SLC25A16: variants seen among roughly 807,000 people sequenced by gnomAD.
SLC25A16 encodes mitochondrial coenzyme A transporter SLC25A16.
A neutral mutation model predicts 41.5 loss-of-function variants in SLC25A16; 39 were observed. That is an observed-to-expected ratio of 0.94 (90% CI 0.73 to 1.23). The LOEUF (loss-of-function observed/expected upper bound fraction) is 1.23, where lower values mean the gene tolerates loss of function less well. Among genes scored for constraint, SLC25A16 ranks in the 50% most tolerant of loss-of-function variants. The probability of loss-of-function intolerance (pLI) is 0.00; values close to 1 mark genes in which losing one functional copy is unlikely to be tolerated. For missense variants in SLC25A16, 421 were observed against 426.9 expected (o/e 0.99, Z 0.12); for synonymous variants, 146 against 147.8 (o/e 0.99, Z 0.09).
rs1171632682 is a variant in SLC25A16 at position 68,527,394 on chromosome 10, A to T, written c.-19T>A. 2 of 1,465,008 alleles carry T rather than the reference A, an allele frequency of 1.4e-6. No homozygotes were observed. The highest frequency in any genetic ancestry group is 8.9e-7 in the Non-Finnish European group (1 of 1,117,576). The allele number at this position is 1,465,008 out of a possible 1,614,324, so 90.8% of individuals were successfully genotyped here. ...CCGCCATCAGGACCAGGGTCGCGTC[A>T]GGAGCCTAGGTTGCCAACTTACAGA... On this transcript the variant is annotated 5_prime_UTR_variant, in exon 1 of 9. Coordinates refer to ENST00000609923, the MANE Select transcript of SLC25A16 (RefSeq NM_152707.4).
chr10:68,493,559 C>T lies in SLC25A16; in HGVS notation c.433G>A (p.Val145Ile). 1 of 1,612,558 alleles carries T rather than the reference C, an allele frequency of 6.2e-7. No individual in the cohort carries two copies. Among genetic ancestry groups the T allele is most frequent in the Non-Finnish European group, 8.5e-7 (1 of 1,178,854 alleles). ...MAGSMAGMTA[V>I]ICTYPLDMVR... Reference sequence around the variant, plus strand: ...ATGTCAAGAGGGTAAGTACAGATAACTGCTGTCATACCTGAAAAGAAAGTA... The same window carrying T: ...ATGTCAAGAGGGTAAGTACAGATAATTGCTGTCATACCTGAAAAGAAAGTA... The change falls in exon 5 of 9, where the codon GTT becomes ATT. Residue 145 changes from valine (V) to isoleucine (I), a missense_variant. Coordinates refer to ENST00000609923, the MANE Select transcript of SLC25A16 (RefSeq NM_152707.4).
chr10:68,489,446 T>TA lies in SLC25A16; in HGVS notation c.611-818dup, dbSNP rs532883063. ...AATTCACAAAACACGTAGAATCTGA[T>TA]AAAAATAGTATGCAGGTAGTGCTTG... On this transcript the variant is annotated intron_variant, in intron 6 of 8. Coordinates refer to ENST00000609923, the MANE Select transcript of SLC25A16 (RefSeq NM_152707.4). 4.3e-3 allele frequency among the ~76,000 whole-genome samples: 655 copies of TA among 152,232 alleles called. 4 individuals carry two copies. The highest frequency in any genetic ancestry group is 0.015 in the African/African-American group (625 of 41,528).
At chr10:68,512,915 C>T (rs1404975725) in intron 2 of SLC25A16, among the ~76,000 whole-genome samples, 3 of 150,712 alleles carry the variant, frequency 2.0e-5, no homozygotes, top group African/African-American at 7.3e-5. Flanking sequence ...GGCGGGTGCC[C>T]GTAATCCCAG....
At chr10:68,505,470 G>A (rs1039651331) in intron 3 of SLC25A16, among the ~76,000 whole-genome samples, 3 of 152,096 alleles carry the variant, frequency 2.0e-5, no homozygotes, top group Non-Finnish European at 4.4e-5. Context: ...CATTCATTAG[G>A]AGTGAACATA....
At chr10:68,515,528 G>T (rs2053146523) in intron 2 of SLC25A16, among the ~76,000 whole-genome samples, 1 of 152,026 alleles carries the variant, frequency 6.6e-6, no homozygotes. Flanking sequence ...GCCAGGCTCG[G>T]TGGCTCACGC....
In SLC25A16 at chr10:68,487,220, A is replaced by T. The variant is rs1383861849; in HGVS notation, c.774-8T>A. ...GTCACATCAAATGGGTAGCTAAAAG[A>T]AGAAAAAGGCATAAAGAATTAAAAA... is the stretch of plus-strand genomic sequence containing the variant. On this transcript the variant is annotated splice_region_variant and splice_polypyrimidine_tract_variant and intron_variant, in intron 7 of 8. Transcript: ENST00000609923. The T allele has an allele frequency of 5.6e-6, 9 of 1,612,414 alleles. No individual in the cohort carries two copies. In the South Asian group the frequency reaches 9.9e-5, roughly 18 times the overall value.
chr10:68,493,447 AC>A lies in SLC25A16; in HGVS notation c.543+1del. ...TAGATGAGGAAGGTAAATATGAAATACCTTTGCATAAATTGTTTTGAAAGCA... is the reference window on the plus strand; with the variant it reads ...TAGATGAGGAAGGTAAATATGAAATACTTTGCATAAATTGTTTTGAAAGCA... On this transcript the variant is annotated splice_donor_variant, in intron 5 of 8. Coordinates refer to ENST00000609923, the MANE Select transcript of SLC25A16 (RefSeq NM_152707.4). LOFTEE classifies it high-confidence loss of function. 1 of 1,612,304 alleles carries A rather than the reference AC, an allele frequency of 6.2e-7. No individual in the cohort carries two copies. The highest frequency in any genetic ancestry group is 8.5e-7 in the Non-Finnish European group (1 of 1,178,484).
chr10:68,526,415 G>A (rs1343328437), intron 1 of SLC25A16, among the ~76,000 whole-genome samples: 2 of 152,120 alleles, frequency 1.3e-5, no homozygotes, highest in Admixed American at 6.6e-5. Context: ...CAATTGTCTT[G>A]TGACCCTGAC....
In SLC25A16 at chr10:68,483,573, A is replaced by T; in HGVS notation, c.858T>A (p.Thr286=). The T allele has an allele frequency of 1.9e-6, 3 of 1,607,720 alleles. No individual in the cohort carries two copies. The highest frequency in any genetic ancestry group is 2.5e-6 in the Non-Finnish European group (3 of 1,177,370). ...EFEKCLTMRD[T]MKYVYGHHGI... ...CATGGTGTCCATAGACATACTTCATAGTATCCCGCATGGTACTGAAAGACA... is the reference window on the plus strand; with the variant it reads ...CATGGTGTCCATAGACATACTTCATTGTATCCCGCATGGTACTGAAAGACA... Residue 286 remains threonine (T), a synonymous_variant, in exon 9 of 9, where the codon ACT becomes ACA. Transcript: ENST00000609923.
chr10:68,513,124 T>C (rs1317993939), intron 2 of SLC25A16, among the ~76,000 whole-genome samples: 1 of 150,680 alleles, frequency 6.6e-6, no homozygotes, highest in African/African-American at 2.4e-5. Flanking sequence ...GGCAGGAGGA[T>C]CACTTGAAGT....
intron 1 of SLC25A16, among the ~76,000 whole-genome samples, chr10:68,522,627 A>G (rs1044630003): frequency 6.6e-6 from 1 of 152,074 alleles, no homozygotes; most frequent in Non-Finnish European, 1.5e-5. Flanking sequence ...CATCCTTGCT[A>G]ACACGGTGAA....
chr10:68,480,467 T>C lies in SLC25A16; in HGVS notation c.*2965A>G, dbSNP rs1053857407. On this transcript the variant is annotated 3_prime_UTR_variant, in exon 9 of 9. Transcript: ENST00000609923. ...TTAAAAGATATTTGCAATCCCCTTT[T>C]ACTGATAACCTAACTGAGGTATCTT... 2 of 151,704 alleles carry C rather than the reference T, an allele frequency of 1.3e-5. No homozygotes were observed. Among genetic ancestry groups the C allele is most frequent in the East Asian group, 1.9e-4 (1 of 5,190 alleles). 9.4% of individuals were successfully genotyped at this position (151,704 alleles called of 1,614,324 possible). A position where few individuals can be genotyped will look rare whatever the true frequency, so the allele number is the denominator to read the frequency against.
At chr10:68,487,935 C>T (rs1478198445) in intron 7 of SLC25A16, among the ~76,000 whole-genome samples, 1 of 152,108 alleles carries the variant, frequency 6.6e-6, no homozygotes, top group Middle Eastern at 3.4e-3. Flanking sequence ...CTCACTGCAA[C>T]CTCCACCTCC....
intron 4 of SLC25A16, chr10:68,499,575 G>A (rs1417451121): frequency 4.7e-5 from 13 of 276,860 alleles, no homozygotes; most frequent in Non-Finnish European, 6.6e-5. Flanking sequence ...GGCAAGAAAC[G>A]CAAAAGGCGT....
At chr10:68,526,079 GA>G (rs2053333375) in intron 1 of SLC25A16, among the ~76,000 whole-genome samples, 3 of 151,872 alleles carry the variant, frequency 2.0e-5, no homozygotes, top group African/African-American at 4.8e-5. Context: ...CCCCCAGCCC[GA>G]CACCCGTAAA....
In SLC25A16 at chr10:68,479,817, CAAA is replaced by C. The variant is rs11361421; in HGVS notation, c.*3612_*3614del. 3.3e-4 allele frequency: 32 copies of C among 96,270 alleles called. No homozygotes were observed. The highest frequency in any genetic ancestry group is 3.5e-4 in the Non-Finnish European group (17 of 48,286). The allele number at this position is 96,270 out of a possible 1,614,324, so 6.0% of individuals were successfully genotyped here. A position where few individuals can be genotyped will look rare whatever the true frequency, so the allele number is the denominator to read the frequency against. Reference sequence around the variant, plus strand: ...TGGGCAACAGAGTGAGGCTCTGTCTCAAAAAAAAAAAAAAAAAAGAAAGAAAAG... The same window carrying C: ...TGGGCAACAGAGTGAGGCTCTGTCTCAAAAAAAAAAAAAAAGAAAGAAAAG... On this transcript the variant is annotated 3_prime_UTR_variant, in exon 9 of 9. Coordinates refer to ENST00000609923, the MANE Select transcript of SLC25A16 (RefSeq NM_152707.4).
intron 6 of SLC25A16, among the ~76,000 whole-genome samples, chr10:68,490,268 C>CACAGCG (rs1162213834): frequency 1.3e-5 from 2 of 151,878 alleles, no homozygotes; most frequent in Non-Finnish European, 2.9e-5. Context: ...GCCTGGGCAA[C>CACAGCG]ACAGCGAGAC....
chr10:68,497,748 T>C (rs1334846924), intron 4 of SLC25A16, among the ~76,000 whole-genome samples: 1 of 151,564 alleles, frequency 6.6e-6, no homozygotes, highest in Non-Finnish European at 1.5e-5. Flanking sequence ...TCCCAAGTAG[T>C]TGGGATTACA....
At chr10:68,497,820 T>C (rs990938789) in intron 4 of SLC25A16, among the ~76,000 whole-genome samples, 1 of 152,006 alleles carries the variant, frequency 6.6e-6, no homozygotes, top group African/African-American at 2.4e-5. Context: ...TTTCACCATG[T>C]TGGCCAGGCT....
Sources: gnomAD v4.1 joint callset for allele counts (sites outside exome capture counted in the v4.1 genomes callset) on GRCh38, gnomAD v4.1.1 for gene constraint, MANE v1.5 for transcripts, NCBI Gene and HGNC (gene_info 2026-07-23, HGNC 2026-07-21) for gene names.